CREB3L3: variants seen among roughly 807,000 people sequenced by gnomAD.
CREB3L3 encodes cAMP responsive element binding protein 3 like 3.
Under a neutral mutation model 44.6 loss-of-function variants are expected in CREB3L3, and 40 were observed. That is an observed-to-expected ratio of 0.90 (90% CI 0.70 to 1.17). The LOEUF is 1.17. Ranked by LOEUF, CREB3L3 falls within the 50% of genes most tolerant of loss-of-function variation. The probability of loss-of-function intolerance (pLI) is 0.00; values close to 1 mark genes in which losing one functional copy is unlikely to be tolerated. For synonymous variants in CREB3L3, 273 were observed against 256.3 expected, an observed-to-expected ratio of 1.06 and a Z score of -0.62; for missense variants, 578 against 595.8, an observed-to-expected ratio of 0.97 and a Z score of 0.31.
chr19:4,172,271 T>C lies in CREB3L3; in HGVS notation c.*302T>C. 3.8e-6 allele frequency: 2 copies of C among 530,196 alleles called. No individual in the cohort carries two copies. Among genetic ancestry groups the C allele is most frequent in the East Asian group, 6.5e-5 (2 of 30,638 alleles). The allele number at this position is 530,196 out of a possible 1,614,324, so 32.8% of individuals were successfully genotyped here. On this transcript the variant is annotated 3_prime_UTR_variant, in exon 10 of 10. Transcript: ENST00000078445. ...CAGACCTGGACAGACAGACACAGCC[T>C]GAAACAGACCCGGACAGACAGACAC...
chr19:4,170,271 A>G, intron 7 of CREB3L3, 63 bp downstream of exon 7: 3 of 1,483,238 alleles, frequency 2.0e-6, no homozygotes, highest in Non-Finnish European at 2.8e-6. Flanking sequence ...CTTTGCAGGA[A>G]GAGCAGAGAG....
intron 3 of CREB3L3, among the ~76,000 whole-genome samples, chr19:4,159,275 C>G (rs992914705): frequency 6.6e-6 from 1 of 151,978 alleles, no homozygotes; most frequent in East Asian, 1.9e-4. Flanking sequence ...CTCAGCCTCC[C>G]GAGCAGCTGG....
At chr19:4,161,806 T>C (rs904755849) in intron 4 of CREB3L3, among the ~76,000 whole-genome samples, 8 of 152,144 alleles carry the variant, frequency 5.3e-5, no homozygotes, top group African/African-American at 1.9e-4. Context: ...GCACCAGCTG[T>C]GTGCTCAGCC....
Position 4,171,763 on chromosome 19 carries a change from G to A in CREB3L3, c.1180G>A (p.Glu394Lys). 1 of 1,613,398 alleles carries A rather than the reference G, an allele frequency of 6.2e-7. No individual in the cohort carries two copies. Among genetic ancestry groups the A allele is most frequent in the Non-Finnish European group, 8.5e-7 (1 of 1,180,032 alleles). Residue 394 changes from glutamate (E) to lysine (K), a missense_variant, in exon 10 of 10, where the codon GAG becomes AAG. Coordinates refer to ENST00000078445, the MANE Select transcript of CREB3L3 (RefSeq NM_032607.3). The surrounding 1 kb of genome is among the most constrained non-coding windows in gnomAD (Gnocchi z 4.9). ...PRPEADTTRE[E>K]SPGSPGADWG... ...ACCCGAGGCTGACACAACCCGAGAAGAGTCTCCAGGAAGCCCCGGGGCAGA... is the reference window on the plus strand; with the variant it reads ...ACCCGAGGCTGACACAACCCGAGAAAAGTCTCCAGGAAGCCCCGGGGCAGA...
Position 4,153,760 on chromosome 19 carries a change from T to G in CREB3L3, c.13T>G (p.Leu5Val), listed in dbSNP as rs1568276469. Residue 5 changes from leucine to valine, a missense_variant, in exon 1 of 10, where the codon TTA (leucine) becomes GTA (valine). Leu to Val is a conservative substitution (Grantham distance 32, BLOSUM62 1). Transcript: ENST00000078445. MNTDLAAGKMASAAC... is the reference protein window; with the variant it reads MNTDVAAGKMASAAC... ...ACTGGATGGACCCATGAATACGGAT[T>G]TAGCTGCTGGAAAGGTGAGCCCTAC... 1 of 1,614,074 alleles carries G rather than the reference T, an allele frequency of 6.2e-7. No individual in the cohort carries two copies. Among genetic ancestry groups the G allele is most frequent in the East Asian group, 2.2e-5 (1 of 44,874 alleles).
intron 3 of CREB3L3, among the ~76,000 whole-genome samples, chr19:4,157,676 T>A (rs946711517): frequency 2.0e-4 from 31 of 152,140 alleles, no homozygotes; most frequent in Admixed American, 1.1e-3. Context: ...GTAGATTTTT[T>A]TTTATTTTTT....
At chr19:4,163,328 A>AAAAGAAAGAAAGAAAGAAAGAAAGAAAG (rs141964111) in intron 4 of CREB3L3, among the ~76,000 whole-genome samples, 24 of 135,796 alleles carry the variant, frequency 1.8e-4, no homozygotes, top group South Asian at 7.5e-4. Context: ...AAGAAGAAAG[A>AAAAGAAAGAAAGAAAGAAAGAAAGAAAG]AAAGAAAGAA....
chr19:4,162,952 G>A (rs897452605), intron 4 of CREB3L3, among the ~76,000 whole-genome samples: 19 of 152,110 alleles, frequency 1.2e-4, no homozygotes, highest in African/African-American at 3.1e-4. Flanking sequence ...ACTCCAACCC[G>A]GGTGAAGTAG....
rs1211902365 is a variant in CREB3L3 at position 4,172,194 on chromosome 19, A to G, written c.*225A>G. ...AAGAGGGCCACAGGACCCGGGAAATACACACAGAGCCAGGAGCAGAAGCAA... is the reference window on the plus strand; with the variant it reads ...AAGAGGGCCACAGGACCCGGGAAATGCACACAGAGCCAGGAGCAGAAGCAA... On this transcript the variant is annotated 3_prime_UTR_variant, in exon 10 of 10. Coordinates refer to ENST00000078445, the MANE Select transcript of CREB3L3 (RefSeq NM_032607.3). 4 of 603,970 alleles carry G rather than the reference A, an allele frequency of 6.6e-6. No homozygotes were observed. Among genetic ancestry groups the G allele is most frequent in the Non-Finnish European group, 1.2e-5 (4 of 342,056 alleles). The allele number at this position is 603,970 out of a possible 1,614,324, so 37.4% of individuals were successfully genotyped here.
At chr19:4,163,490 C>T (rs1432440867) in intron 4 of CREB3L3, among the ~76,000 whole-genome samples, 1 of 152,010 alleles carries the variant, frequency 6.6e-6, no homozygotes, top group Admixed American at 6.6e-5. Context: ...TATTTCGAGC[C>T]CTGCTGCCAA....
intron 6 of CREB3L3, 70 bp from the exon 7 acceptor site, chr19:4,170,070 G>A (rs540618367): frequency 3.4e-6 from 5 of 1,458,258 alleles, no homozygotes; most frequent in Non-Finnish European, 4.8e-6. Flanking sequence ...TGAGGCCTCT[G>A]GGGGAGATGT....
At chr19:4,156,851 C>A in intron 2 of CREB3L3, 144 bp from the exon 3 acceptor site, 1 of 817,572 alleles carries the variant, frequency 1.2e-6, no homozygotes, top group Non-Finnish European at 1.9e-6. Flanking sequence ...TCAGCAGCCC[C>A]GGGAGGAAGA....
At position 4,164,509 on chromosome 19, in the gene CREB3L3, C is replaced by T; in HGVS notation, c.583C>T (p.His195Tyr). ...CCTCTGATTTTTTCCGTAGCAACAG[C>T]ATCACCTGGGGGCCTCCTACCTCCT... The part of the protein sequence containing the change: ...LSGSSGDLQQ[H>Y]HLGASYLLRP... The change falls in exon 5 of 10, where the codon CAT (histidine) becomes TAT (tyrosine). Residue 195 changes from histidine to tyrosine, a missense_variant. Transcript: ENST00000078445. 6.2e-7 allele frequency: 1 copy of T among 1,614,030 alleles called. No individual in the cohort carries two copies. The highest frequency in any genetic ancestry group is 8.5e-7 in the Non-Finnish European group (1 of 1,180,020).
chr19:4,164,477 CG>C, intron 4 of CREB3L3, 25 bp from the exon 5 acceptor site: 1 of 1,613,522 alleles, frequency 6.2e-7, no homozygotes, highest in Non-Finnish European at 8.5e-7. Context: ...CTGCACCCGC[CG>C]TCATTCCTCT....
chr19:4,170,061 G>A (rs1211799250), intron 6 of CREB3L3, 79 bp from the exon 7 acceptor site: 1 of 1,364,744 alleles, frequency 7.3e-7, no homozygotes, highest in East Asian at 2.3e-5. Flanking sequence ...CTTGTAACGT[G>A]AGGCCTCTGG....
intron 2 of CREB3L3, among the ~76,000 whole-genome samples, chr19:4,155,675 C>A (rs1310510869): frequency 6.6e-6 from 1 of 150,532 alleles, no homozygotes; most frequent in Admixed American, 6.6e-5. Context: ...TTTTTTCTTT[C>A]TTTTCTCTCT....
Position 4,171,202 on chromosome 19 carries a change from CG to C in CREB3L3, c.975+31del, listed in dbSNP as rs749470435. Reference sequence around the variant, plus strand: ...TGAGTCCTGGTGCCCCCAGGCAAGCCGGGGACCTAGGCTTCTGTAGAGGGGC... The same window carrying C: ...TGAGTCCTGGTGCCCCCAGGCAAGCCGGGACCTAGGCTTCTGTAGAGGGGC... On this transcript the variant is annotated intron_variant, in intron 8 of 9. Coordinates refer to ENST00000078445, the MANE Select transcript of CREB3L3 (RefSeq NM_032607.3). This position sits in a 1 kb window ranked among gnomAD's most constrained non-coding sequence, Gnocchi z 4.9. 1 of 1,601,554 alleles carries C rather than the reference CG, an allele frequency of 6.2e-7. No individual in the cohort carries two copies. The highest frequency in any genetic ancestry group is 8.6e-7 in the Non-Finnish European group (1 of 1,168,700).
chr19:4,162,253 G>T (rs768446227), intron 4 of CREB3L3, among the ~76,000 whole-genome samples: 8 of 151,986 alleles, frequency 5.3e-5, no homozygotes, highest in African/African-American at 1.9e-4. Flanking sequence ...TGATCCACCC[G>T]CCTCAGCCTC....
chr19:4,164,807 C>T (rs1199386590), intron 5 of CREB3L3, among the ~76,000 whole-genome samples, 167 bp downstream of exon 5: 1 of 152,156 alleles, frequency 6.6e-6, no homozygotes, highest in Non-Finnish European at 1.5e-5. Flanking sequence ...CTCTCAGATT[C>T]CAGCGATTCT....
Sources: allele counts gnomAD v4.1 joint callset (sites outside exome capture counted in the v4.1 genomes callset), GRCh38; gene constraint gnomAD v4.1.1; non-coding constraint Gnocchi (gnomAD v3.1); transcripts MANE v1.5; gene names NCBI Gene and HGNC (gene_info 2026-07-23, HGNC 2026-07-21).